NBEA: variants seen among roughly 807,000 people sequenced by gnomAD.
NBEA encodes neurobeachin.
A neutral mutation model predicts 343.4 loss-of-function variants in NBEA; 44 were observed. The observed-to-expected ratio is 0.13, with a 90% CI of 0.10 to 0.16. The LOEUF is 0.16. Among genes scored for constraint, NBEA ranks in the 10% least tolerant of loss-of-function variants. NBEA has a pLI of 1.00. For synonymous variants in NBEA, 1,175 were observed against 1,238.7 expected, an observed-to-expected ratio of 0.95 and a Z score of 1.08; for missense variants, 2,555 against 3,631.3, an observed-to-expected ratio of 0.70 and a Z score of 7.62.
In NBEA at chr13:35,045,345, A is replaced by T; in HGVS notation, c.667A>T (p.Met223Leu). 1 of 1,612,626 alleles carries T rather than the reference A, an allele frequency of 6.2e-7. No individual in the cohort carries two copies. Among genetic ancestry groups the T allele is most frequent in the Non-Finnish European group, 8.5e-7 (1 of 1,179,384 alleles). The part of the protein sequence containing the change: ...AVKLLSVLNQ[M>L]PQRHGPDTFF... ...AAAATTATTATCAGTTCTTAATCAG[A>T]TGCCACAGAGACACGGTCCTGATAC... The change falls in exon 4 of 59, where the codon ATG becomes TTG. Residue 223 changes from methionine (M) to leucine (L), a missense_variant. Met to Leu is a conservative substitution (Grantham distance 15). Around this residue, in one of 21 missense-constraint regions of NBEA, gnomAD observed 185 missense variants for 290.6 expected, o/e 0.64. Transcript: ENST00000379939.
intron 38 of NBEA, among the ~76,000 whole-genome samples, chr13:35,369,837 A>T (rs1042815760): frequency 1.3e-5 from 2 of 152,064 alleles, no homozygotes; most frequent in African/African-American, 4.8e-5. Context: ...GATGCCCATT[A>T]CTTTTTCTCT....
intron 48 of NBEA, among the ~76,000 whole-genome samples, chr13:35,614,084 A>T (rs369291121): frequency 1.3e-5 from 2 of 151,920 alleles, no homozygotes; most frequent in African/African-American, 4.8e-5. Flanking sequence ...TTTAACTTGC[A>T]TTTTTCTGAT....
intron 17 of NBEA, among the ~76,000 whole-genome samples, chr13:35,134,365 A>C (rs552397240): frequency 9.9e-5 from 15 of 152,012 alleles, no homozygotes; most frequent in African/African-American, 3.1e-4. Context: ...GATATACAAA[A>C]AAAAAAGGCG....
At chr13:35,261,099 C>T (rs886791035) in intron 34 of NBEA, among the ~76,000 whole-genome samples, 17 of 152,054 alleles carry the variant, frequency 1.1e-4, no homozygotes, top group African/African-American at 3.6e-4. Flanking sequence ...TGAGATAAAG[C>T]AGTAAAATGA....
At chr13:35,156,851 C>T (rs2069207377) in intron 20 of NBEA, among the ~76,000 whole-genome samples, 1 of 152,062 alleles carries the variant, frequency 6.6e-6, no homozygotes, top group Non-Finnish European at 1.5e-5. Flanking sequence ...GTAAATCTGA[C>T]TGTGAAAGTT....
At chr13:35,355,201 A>G (rs894160111) in intron 38 of NBEA, among the ~76,000 whole-genome samples, 3 of 137,486 alleles carry the variant, frequency 2.2e-5, no homozygotes, top group South Asian at 4.7e-4. Context: ...CCAGCATGAT[A>G]TATAGTCTTA....
At chr13:35,577,473 T>G (rs1353297736) in intron 45 of NBEA, among the ~76,000 whole-genome samples, 1 of 152,234 alleles carries the variant, frequency 6.6e-6, no homozygotes, top group African/African-American at 2.4e-5. Context: ...GAATTGCCTA[T>G]TCATCATATC....
intron 32 of NBEA, among the ~76,000 whole-genome samples, chr13:35,209,829 A>T (rs1052040127): frequency 6.6e-6 from 1 of 152,114 alleles, no homozygotes; most frequent in African/African-American, 2.4e-5. Flanking sequence ...AATGTACTCT[A>T]TTAAGAATAT....
intron 41 of NBEA, among the ~76,000 whole-genome samples, chr13:35,472,804 A>G (rs573769846): frequency 1.1e-4 from 17 of 152,294 alleles, no homozygotes; most frequent in African/African-American, 4.1e-4. Context: ...TAGTTAAGCC[A>G]ATTGCTTCCA....
rs73505637 is a variant in NBEA, at chr13:35,200,683, C to G, written c.5366+4381C>G. ...TCAGGGAAACTAGTAGGTATTTTTTCCTCAAAATTTTAATATCCTTGCTTC... is the reference window on the plus strand; with the variant it reads ...TCAGGGAAACTAGTAGGTATTTTTTGCTCAAAATTTTAATATCCTTGCTTC... On this transcript the variant is annotated intron_variant, in intron 31 of 58. Coordinates refer to ENST00000379939, the MANE Select transcript of NBEA (RefSeq NM_001385012.1). Among the ~76,000 whole-genome samples, 977 of 151,698 alleles carry G rather than the reference C, an allele frequency of 6.4e-3. 11 individuals are homozygous for G. The highest frequency in any genetic ancestry group is 0.023 in the African/African-American group (936 of 41,450).
intron 40 of NBEA, among the ~76,000 whole-genome samples, chr13:35,459,006 C>A (rs1217097907): frequency 2.3e-5 from 2 of 86,004 alleles, no homozygotes; most frequent in Non-Finnish European, 4.1e-5. Context: ...TTTACCACCG[C>A]CCCCCCCCCC....
At chr13:35,435,735 A>T (rs2152933148) in intron 39 of NBEA, among the ~76,000 whole-genome samples, 1 of 152,328 alleles carries the variant, frequency 6.6e-6, no homozygotes, top group African/African-American at 2.4e-5. Flanking sequence ...TAAATCATTT[A>T]TCCACTGTAA....
chr13:35,158,524 T>C (rs2069339672), intron 21 of NBEA, among the ~76,000 whole-genome samples: 1 of 152,018 alleles, frequency 6.6e-6, no homozygotes, highest in African/African-American at 2.4e-5. Flanking sequence ...AGGATAAAAC[T>C]GTGATATTTT....
intron 38 of NBEA, among the ~76,000 whole-genome samples, chr13:35,423,550 T>C (rs1205499999): frequency 6.6e-6 from 1 of 152,224 alleles, no homozygotes; most frequent in African/African-American, 2.4e-5. Context: ...TTGTTTACTG[T>C]AGCCTTGTAG....
chr13:35,269,758 G>GA (rs1182410969), intron 34 of NBEA, among the ~76,000 whole-genome samples: 3 of 152,142 alleles, frequency 2.0e-5, no homozygotes, highest in Non-Finnish European at 2.9e-5. Context: ...TGTTTGTTTG[G>GA]ATATAGAGGA....
At chr13:35,322,502 G>A (rs1377355395) in intron 36 of NBEA, among the ~76,000 whole-genome samples, 1 of 152,144 alleles carries the variant, frequency 6.6e-6, no homozygotes, top group Non-Finnish European at 1.5e-5. Flanking sequence ...AGTTGGAAAT[G>A]CAGAAATCAA....
At chr13:35,500,258 T>A (rs1318293387) in intron 41 of NBEA, among the ~76,000 whole-genome samples, 5 of 152,086 alleles carry the variant, frequency 3.3e-5, no homozygotes, top group Admixed American at 6.6e-5. Flanking sequence ...CCTGCTTCAA[T>A]CCAATTAGGA....
intron 49 of NBEA, among the ~76,000 whole-genome samples, chr13:35,638,068 A>C (rs947546731): frequency 2.0e-5 from 3 of 152,276 alleles, no homozygotes; most frequent in Admixed American, 2.0e-4. Flanking sequence ...AACGAGTCAA[A>C]ATCATAGAGA....
intron 1 of NBEA, among the ~76,000 whole-genome samples, chr13:35,021,748 A>G (rs1158442921): frequency 6.6e-6 from 1 of 152,028 alleles, no homozygotes; most frequent in East Asian, 1.9e-4. Context: ...AAAAGTACAC[A>G]TATATTTCTC....
Sources: gnomAD v4.1 joint callset for allele counts (sites outside exome capture counted in the v4.1 genomes callset) on GRCh38, gnomAD v4.1.1 for gene constraint, gnomAD v4.1.1 regional missense constraint, MANE v1.5 for transcripts, NCBI Gene and HGNC (gene_info 2026-07-23, HGNC 2026-07-21) for gene names.